AVEN: variants seen among roughly 807,000 people sequenced by gnomAD.
AVEN encodes cell death regulator Aven.
AVEN carries 41 observed loss-of-function variants against 38.1 expected under a neutral mutation model. The ratio of observed to expected loss-of-function variants is 1.08; its 90% CI spans 0.84 to 1.40. AVEN has a LOEUF of 1.40. Among genes scored for constraint, AVEN ranks in the 40% most tolerant of loss-of-function variants. The pLI is 0.00. For synonymous variants in AVEN, 206 were observed against 171.8 expected (o/e 1.20, Z -1.56); for missense variants, 605 against 438.8 (o/e 1.38, Z -3.38).
At position 34,063,188 on chromosome 15, in the gene AVEN, C is replaced by A. The variant is rs370089179; in HGVS notation, n.1371G>T. ...TCATGATTGGCTTGGCCTGGCTGAT[C>A]TCCTTCATCCTCTGGGCCCCAGCAA... is the stretch of plus-strand genomic sequence containing the variant. On this transcript the variant is annotated non_coding_transcript_exon_variant, in exon 5 of 12. Coordinates refer to the AVEN transcript ENST00000675287. The surrounding 1 kb of genome is among the most constrained non-coding windows in gnomAD (Gnocchi z 4.1). 20 of 1,614,192 alleles carry A rather than the reference C, an allele frequency of 1.2e-5. No individual in the cohort carries two copies. Among genetic ancestry groups the A allele is most frequent in the African/African-American group, 1.1e-4 (8 of 75,046 alleles).
intron 5 of AVEN, among the ~76,000 whole-genome samples, chr15:34,045,738 C>T (rs954788026): frequency 4.6e-4 from 3 of 6,542 alleles, no homozygotes; most frequent in South Asian, 0.25. Flanking sequence ...GAAGGCCTAA[C>T]CTCACTTAGG....
chr15:33,983,930 GAAA>G (rs11353733), intron 2 of AVEN, among the ~76,000 whole-genome samples: 1 of 143,020 alleles, frequency 7.0e-6, no homozygotes, highest in Non-Finnish European at 1.5e-5. Context: ...GCCTCATCAT[GAAA>G]AAAAAAAAAA....
intron 2 of AVEN, among the ~76,000 whole-genome samples, chr15:33,881,023 T>A (rs935528019): frequency 6.6e-6 from 1 of 151,790 alleles, no homozygotes; most frequent in African/African-American, 2.4e-5. Flanking sequence ...CTTCAAAATA[T>A]AACACAATTT....
At chr15:34,069,559 C>G (rs191808714) in intron 2 of AVEN, among the ~76,000 whole-genome samples, 2 of 152,312 alleles carry the variant, frequency 1.3e-5, no homozygotes, top group Admixed American at 6.5e-5. Context: ...CAATGCGTTA[C>G]TATGTTCTCA....
intron 2 of AVEN, among the ~76,000 whole-genome samples, chr15:33,946,673 AAGG>A (rs796606214): frequency 6.6e-5 from 10 of 152,286 alleles, no homozygotes; most frequent in African/African-American, 2.4e-4. Context: ...ATCTAAAAGG[AAGG>A]AGAAGTGAGT....
intron 2 of AVEN, among the ~76,000 whole-genome samples, chr15:33,992,261 G>T (rs755171840): frequency 6.6e-6 from 1 of 152,136 alleles, no homozygotes. Context: ...GTGGTGGCGG[G>T]CACCTGTAGT....
chr15:33,977,796 G>C (rs1350985650), intron 2 of AVEN, among the ~76,000 whole-genome samples: 1 of 152,084 alleles, frequency 6.6e-6, no homozygotes, highest in African/African-American at 2.4e-5. Context: ...TTTCAGGCCA[G>C]GTGTGGTAGT....
intron 1 of AVEN, among the ~76,000 whole-genome samples, chr15:34,012,279 GAC>G (rs10546039): frequency 0.28 from 42,817 of 151,970 alleles, 7,446 homozygotes; most frequent in African/African-American, 0.49. Flanking sequence ...TTAATCCACA[GAC>G]ACACACAATA....
At chr15:34,004,785 C>G (rs1202482967) in intron 1 of AVEN, among the ~76,000 whole-genome samples, 2 of 151,980 alleles carry the variant, frequency 1.3e-5, no homozygotes, top group African/African-American at 4.8e-5. Context: ...TATTATTATT[C>G]TATCTACTTT....
rs753645354 is a variant in AVEN at position 34,063,763 on chromosome 15, C to G, written n.1127-331G>C. The G allele has an allele frequency of 1.9e-5, 30 of 1,614,066 alleles. No homozygotes were observed. The South Asian group carries it at 2.9e-4, about 15-fold the overall frequency. On this transcript the variant is annotated intron_variant and non_coding_transcript_variant, in intron 4 of 11. Transcript: ENST00000675287. The surrounding 1 kb of genome is among the most constrained non-coding windows in gnomAD (Gnocchi z 4.1). The stretch of plus-strand genomic sequence containing the variant: ...GAGACTGAGGAAACTTTTGTGAAAG[C>G]TGAAACTGAAAAAAGTGACTATGAC...
At chr15:34,013,211 G>A (rs546992047) in intron 1 of AVEN, among the ~76,000 whole-genome samples, 55 of 152,084 alleles carry the variant, frequency 3.6e-4, no homozygotes, top group Non-Finnish European at 5.9e-4. Context: ...ACAGGCGCGC[G>A]CCACCACGCC....
intron 2 of AVEN, among the ~76,000 whole-genome samples, chr15:33,948,638 G>A (rs947236404): frequency 5.9e-5 from 9 of 152,056 alleles, no homozygotes; most frequent in Non-Finnish European, 1.2e-4. Context: ...GGATGCACAG[G>A]ATAAAGGATA....
intron 2 of AVEN, among the ~76,000 whole-genome samples, chr15:33,877,580 C>T (rs952917905): frequency 2.2e-4 from 34 of 152,282 alleles, no homozygotes; most frequent in African/African-American, 7.0e-4. Flanking sequence ...TTCGGGAAGC[C>T]GAGGAGGGTG....
In AVEN at chr15:33,870,991, C is replaced by T. The variant is rs1358651912; in HGVS notation, c.556G>A (p.Ala186Thr). ...AGGCAGAGAGGCAGCTCTTGAAGGG[C>T]TCGAACCAATAACTCACTATCCACA... The part of the protein sequence containing the change: ...FYVDSELLVR[A>T]LQELPLCLRL... Residue 186 changes from alanine (A) to threonine (T), a missense_variant, in exon 4 of 6, where the codon GCC becomes ACC. Physicochemically the swap from Ala to Thr is moderately conservative, Grantham distance 58. Coordinates refer to ENST00000306730, the MANE Select transcript of AVEN (RefSeq NM_020371.3). 1.9e-6 allele frequency: 3 copies of T among 1,609,504 alleles called. No homozygotes were observed. Among genetic ancestry groups the T allele is most frequent in the Non-Finnish European group, 2.5e-6 (3 of 1,177,318 alleles).
At chr15:34,010,363 T>A (rs1024585919) in intron 1 of AVEN, among the ~76,000 whole-genome samples, 36 of 152,184 alleles carry the variant, frequency 2.4e-4, no homozygotes, top group Non-Finnish European at 3.5e-4. Flanking sequence ...AGAGAATACT[T>A]ACAGATTATC....
upstream of AVEN, chr15:34,039,248 C>T (rs888662648): frequency 2.0e-5 from 5 of 251,342 alleles, no homozygotes; most frequent in Admixed American, 6.3e-5. Flanking sequence ...CAGGTGGGGC[C>T]GGAACCGGGA....
At chr15:34,073,034 T>A (rs1476311020) in intron 1 of AVEN, among the ~76,000 whole-genome samples, 1 of 420 alleles carries the variant, frequency 2.4e-3, no homozygotes. Flanking sequence ...TACAGACACT[T>A]TTTTTTTTTC....
At chr15:34,059,274 A>G (rs1487179308) in intron 5 of AVEN, among the ~76,000 whole-genome samples, 6 of 152,234 alleles carry the variant, frequency 3.9e-5, no homozygotes, top group African/African-American at 1.4e-4. Flanking sequence ...GTATGTGCAC[A>G]TCCAAATTCC....
chr15:33,928,548 G>C (rs1390613179), intron 2 of AVEN, among the ~76,000 whole-genome samples: 13 of 152,200 alleles, frequency 8.5e-5, no homozygotes, highest in Admixed American at 8.5e-4. Flanking sequence ...TTGAGAAACA[G>C]TCAACAAGTA....
Sources: gnomAD v4.1 joint callset for allele counts (sites outside exome capture counted in the v4.1 genomes callset) on GRCh38, gnomAD v4.1.1 for gene constraint, Gnocchi (gnomAD v3.1) non-coding constraint, MANE v1.5 for transcripts, NCBI Gene and HGNC (gene_info 2026-07-23, HGNC 2026-07-21) for gene names.